The following HS3ST5 variants were observed in gnomAD, a reference collection of about 807,000 sequenced individuals.
HS3ST5 encodes heparan sulfate-glucosamine 3-sulfotransferase 5.
In HS3ST5, 10 loss-of-function variants were observed where a neutral mutation model predicts 25.4. The observed-to-expected ratio is 0.39, with a 90% CI of 0.24 to 0.67. The LOEUF is 0.67. Ranked by LOEUF, HS3ST5 falls within the 30% of genes least tolerant of loss-of-function variation. The pLI is 0.44. For synonymous variants in HS3ST5, 170 were observed against 162.4 expected (o/e 1.05, Z -0.36); for missense variants, 324 against 420.7 (o/e 0.77, Z 2.01).
At chr6:114,186,933 C>T (rs1780244594) in intron 2 of HS3ST5, among the ~76,000 whole-genome samples, 1 of 152,178 alleles carries the variant, frequency 6.6e-6, no homozygotes, top group Non-Finnish European at 1.5e-5. Flanking sequence ...ATCTACTCTG[C>T]CTGAGCTCTA....
In HS3ST5 at chr6:114,185,647, G is replaced by A. The variant is rs567395208; in HGVS notation, c.-144-17185C>T. ...TTCTAACAGCAGGTGCTCACTTCAT[G>A]TCTCTGTGTCATAATTTGGTAATTC... On this transcript the variant is annotated intron_variant, in intron 2 of 4. Transcript: ENST00000312719. 1.4e-4 allele frequency among the ~76,000 whole-genome samples: 21 copies of A among 151,524 alleles called. No homozygotes were observed. The South Asian group carries it at 4.0e-3, about 29-fold the overall frequency.
intron 3 of HS3ST5, among the ~76,000 whole-genome samples, chr6:114,161,234 A>T (rs1172924181): frequency 1.3e-5 from 2 of 151,520 alleles, no homozygotes; most frequent in Non-Finnish European, 2.9e-5. Flanking sequence ...GTTTCTCATA[A>T]ATGGACAATA....
intron 3 of HS3ST5, among the ~76,000 whole-genome samples, chr6:114,123,051 C>A (rs2114882185): frequency 6.6e-6 from 1 of 152,330 alleles, no homozygotes; most frequent in South Asian, 2.1e-4. Context: ...CTCCTGGGTT[C>A]AAGCGATTCT....
intron 1 of HS3ST5, among the ~76,000 whole-genome samples, chr6:114,337,669 T>C (rs1314496057): frequency 6.6e-6 from 1 of 152,194 alleles, no homozygotes; most frequent in African/African-American, 2.4e-5. Flanking sequence ...GCCTTCCTTA[T>C]GAATTTCAGA....
chr6:114,071,812 T>C (rs1190667082), intron 3 of HS3ST5, among the ~76,000 whole-genome samples: 1 of 152,248 alleles, frequency 6.6e-6, no homozygotes, highest in African/African-American at 2.4e-5. Flanking sequence ...TTGCCTAGAT[T>C]CGCTGATTGT....
intron 3 of HS3ST5, among the ~76,000 whole-genome samples, chr6:114,160,362 T>A (rs1460612004): frequency 2.0e-5 from 3 of 152,112 alleles, no homozygotes; most frequent in Admixed American, 6.6e-5. Flanking sequence ...ATTCATATTA[T>A]TTTACAAAAT....
At chr6:114,084,584 C>T (rs1337737448) in intron 3 of HS3ST5, 2 of 769,216 alleles carry the variant, frequency 2.6e-6, no homozygotes, top group African/African-American at 3.4e-5. Flanking sequence ...ATGGCAAAGT[C>T]CACATAGTGC....
intron 2 of HS3ST5, among the ~76,000 whole-genome samples, chr6:114,210,898 AAGAC>A (rs1285021174): frequency 6.6e-6 from 1 of 152,190 alleles, no homozygotes; most frequent in Admixed American, 6.5e-5. Flanking sequence ...TCAAATATTG[AAGAC>A]AGTTTTCAGT....
At chr6:114,080,844 T>C (rs758886465) in intron 3 of HS3ST5, among the ~76,000 whole-genome samples, 3 of 152,066 alleles carry the variant, frequency 2.0e-5, no homozygotes, top group Admixed American at 6.6e-5. Context: ...GGTCAGTACC[T>C]GGGTGATGGT....
rs144518184 is a variant in HS3ST5 at position 114,078,968 on chromosome 6, T to G, written c.-32-16091A>C. Among the ~76,000 whole-genome samples, 321 of 152,356 alleles carry G rather than the reference T, an allele frequency of 2.1e-3. 1 individual carries two copies. Among genetic ancestry groups the G allele is most frequent in the African/African-American group, 7.6e-3 (315 of 41,576 alleles). On this transcript the variant is annotated intron_variant, in intron 3 of 4. Transcript: ENST00000312719. ...TATGTTTACACTATATTGTAGTCTA[T>G]TAAGTGTGTAATAGCATTATGTTTT...
chr6:114,227,071 C>T (rs576302757), intron 2 of HS3ST5, among the ~76,000 whole-genome samples: 1 of 151,816 alleles, frequency 6.6e-6, no homozygotes, highest in African/African-American at 2.4e-5. Context: ...GAGCACAATT[C>T]TAATAACAAG....
chr6:114,060,396 T>C (rs1227041949), intron 4 of HS3ST5, among the ~76,000 whole-genome samples: 1 of 152,226 alleles, frequency 6.6e-6, no homozygotes, highest in Non-Finnish European at 1.5e-5. Flanking sequence ...GTTAATGAGA[T>C]TAATGTACTA....
At chr6:114,062,899 G>T in intron 3 of HS3ST5, 22 bp from the exon 4 acceptor site, 1 of 1,402,096 alleles carries the variant, frequency 7.1e-7, no homozygotes, top group Non-Finnish European at 1.0e-6. Flanking sequence ...GGACTCATCA[G>T]CAGCCATCTC....
At chr6:114,239,658 T>A (rs565710021) in intron 1 of HS3ST5, among the ~76,000 whole-genome samples, 3 of 152,266 alleles carry the variant, frequency 2.0e-5, no homozygotes, top group South Asian at 4.1e-4. Flanking sequence ...TTGGATGCAG[T>A]TGGCCTCCAT....
At chr6:114,164,738 A>C (rs1779128153) in intron 3 of HS3ST5, among the ~76,000 whole-genome samples, 2 of 152,148 alleles carry the variant, frequency 1.3e-5, no homozygotes, top group South Asian at 4.1e-4. Context: ...AATTTGGGTA[A>C]TTTTCTTAAA....
rs1340901156 is a variant in HS3ST5 at position 114,130,944 on chromosome 6, G to A, written c.-33+37407C>T. On this transcript the variant is annotated intron_variant, in intron 3 of 4. Transcript: ENST00000312719. ...TAGTCCTAGCTACTCAGGAGGTTGA[G>A]GCAGGGAGGTTTGCTTAAATCCAGG... 2.6e-5 allele frequency among the ~76,000 whole-genome samples: 4 copies of A among 152,118 alleles called. No homozygotes were observed. In the East Asian group the frequency reaches 5.8e-4, roughly 22 times the overall value.
At chr6:114,201,218 G>A (rs1042045406) in intron 2 of HS3ST5, among the ~76,000 whole-genome samples, 15 of 151,986 alleles carry the variant, frequency 9.9e-5, no homozygotes, top group African/African-American at 3.4e-4. Context: ...TTCACTTGAC[G>A]GCAACTCAAT....
intron 3 of HS3ST5, among the ~76,000 whole-genome samples, chr6:114,108,717 A>G (rs967754834): frequency 1.3e-5 from 2 of 152,190 alleles, no homozygotes; most frequent in African/African-American, 4.8e-5. Flanking sequence ...GATAACAAAG[A>G]GGCATAAGGA....
At chr6:114,146,316 A>G (rs1441339425) in intron 3 of HS3ST5, among the ~76,000 whole-genome samples, 1 of 152,222 alleles carries the variant, frequency 6.6e-6, no homozygotes, top group Non-Finnish European at 1.5e-5. Context: ...TACAGAAGAT[A>G]CAGTTGGCTG....
Sources: allele counts gnomAD v4.1 joint callset (sites outside exome capture counted in the v4.1 genomes callset), GRCh38; gene constraint gnomAD v4.1.1; transcripts MANE v1.5; gene names NCBI Gene and HGNC (gene_info 2026-07-23, HGNC 2026-07-21).